Variants in RNF214 observed in about 807,000 individuals in gnomAD.
RNF214 encodes ring finger protein 214.
RNF214 carries 25 observed loss-of-function variants against 75.9 expected under a neutral mutation model. That is an observed-to-expected ratio of 0.33 (90% CI 0.24 to 0.46). The LOEUF is 0.46. Among genes scored for constraint, RNF214 ranks in the 20% least tolerant of loss-of-function variants. The pLI, the probability that RNF214 is intolerant of heterozygous loss-of-function variation, is 1.00. For synonymous variants in RNF214, 314 were observed against 308.8 expected (o/e 1.02, Z -0.18); for missense variants, 725 against 857.5 (o/e 0.85, Z 1.93).
chr11:117,258,054 C>G (rs535012272), intron 6 of RNF214, among the ~76,000 whole-genome samples: 32 of 151,810 alleles, frequency 2.1e-4, no homozygotes, highest in Non-Finnish European at 4.3e-4. Flanking sequence ...TGTCATGCCT[C>G]TATCTATTCA....
At chr11:117,268,096 G>T (rs1161890598) in intron 6 of RNF214, among the ~76,000 whole-genome samples, 1 of 152,184 alleles carries the variant, frequency 6.6e-6, no homozygotes, top group Non-Finnish European at 1.5e-5. Flanking sequence ...TAGTCCTCAA[G>T]TAAGAGGACT....
rs1022812670 is a variant in RNF214, at chr11:117,282,086, A to G, written c.1528A>G (p.Asn510Asp). The G allele has an allele frequency of 1.1e-5, 17 of 1,613,906 alleles. No homozygotes were observed. The highest frequency in any genetic ancestry group is 3.3e-5 in the Admixed American group (2 of 59,968). Residue 510 changes from asparagine to aspartate, a missense_variant, in exon 11 of 15, where the codon AAT becomes GAT. Around this residue, in one of 2 missense-constraint regions of RNF214, gnomAD observed 363 missense variants for 513.0 expected, o/e 0.71. Transcript: ENST00000300650. ...ACCCCTTCCTGGCTCCCATGGCAGA[A>G]ATAGCCCTGGCTTGGGTTCCCTTGT... ...SSPLPGSHGR[N>D]SPGLGSLVSP...
At position 117,255,287 on chromosome 11, in the gene RNF214, G is replaced by A. The variant is rs1486374291; in HGVS notation, c.959+8339G>A. 3.3e-5 allele frequency among the ~76,000 whole-genome samples: 5 copies of A among 152,120 alleles called. No individual in the cohort carries two copies. The South Asian group carries it at 6.2e-4, about 19-fold the overall frequency. ...CCTTTCTTCCTGTCCTTGTATCTGA[G>A]TCTATAATTCTACCTGTGTGTGCAT... On this transcript the variant is annotated intron_variant, in intron 6 of 14. Transcript: ENST00000300650.
intron 6 of RNF214, among the ~76,000 whole-genome samples, chr11:117,259,869 TACATG>T (rs377371172): frequency 1.3e-5 from 2 of 152,324 alleles, no homozygotes; most frequent in African/African-American, 4.8e-5. Flanking sequence ...TCTGCCCTCT[TACATG>T]ACTGTTTACT....
intron 6 of RNF214, among the ~76,000 whole-genome samples, chr11:117,267,236 C>A (rs2033815761): frequency 6.6e-6 from 1 of 152,080 alleles, no homozygotes; most frequent in Non-Finnish European, 1.5e-5. Context: ...GCACAAAAGG[C>A]AAAATTTTGA....
chr11:117,251,720 A>G (rs2033398591), intron 6 of RNF214, among the ~76,000 whole-genome samples: 1 of 152,180 alleles, frequency 6.6e-6, no homozygotes, highest in Admixed American at 6.5e-5. Context: ...GAGAAAAGCA[A>G]GCAAGACGTG....
At chr11:117,254,252 GAA>G (rs577904003) in intron 6 of RNF214, among the ~76,000 whole-genome samples, 1 of 143,578 alleles carries the variant, frequency 7.0e-6, no homozygotes, top group South Asian at 2.2e-4. Flanking sequence ...CCATCTCAAA[GAA>G]AAAAAAAAAC....
intron 6 of RNF214, among the ~76,000 whole-genome samples, chr11:117,258,329 G>A (rs1054369717): frequency 2.6e-5 from 4 of 152,082 alleles, no homozygotes; most frequent in Non-Finnish European, 5.9e-5. Context: ...GCCTCCCAAA[G>A]TGCTGGGATT....
chr11:117,279,903 T>A lies in RNF214; in HGVS notation c.960-5T>A. The A allele has an allele frequency of 6.3e-7, 1 of 1,599,676 alleles. No homozygotes were observed. Among genetic ancestry groups the A allele is most frequent in the Non-Finnish European group, 8.5e-7 (1 of 1,171,068 alleles). ...TAGTCTTGTTCTTGGTTTCTTATCT[T>A]ACAGAGAGGTGTGGGAAATGGAACT... On this transcript the variant is annotated splice_region_variant and splice_polypyrimidine_tract_variant and intron_variant, in intron 6 of 14. Transcript: ENST00000300650.
At chr11:117,272,250 C>G (rs531469758) in intron 6 of RNF214, among the ~76,000 whole-genome samples, 2 of 152,286 alleles carry the variant, frequency 1.3e-5, no homozygotes, top group African/African-American at 4.8e-5. Flanking sequence ...CAACCACCAC[C>G]TTGAGCCACC....
intron 6 of RNF214, among the ~76,000 whole-genome samples, chr11:117,264,210 C>A (rs1330690378): frequency 6.6e-6 from 1 of 152,086 alleles, no homozygotes; most frequent in Non-Finnish European, 1.5e-5. Flanking sequence ...GTGGTCCCAG[C>A]TATTTGGGAG....
intron 6 of RNF214, among the ~76,000 whole-genome samples, chr11:117,272,159 G>C (rs1379851641): frequency 2.0e-5 from 3 of 152,130 alleles, no homozygotes; most frequent in Non-Finnish European, 2.9e-5. Context: ...CCATGAGTTT[G>C]AGGTTCCAGT....
In RNF214 at chr11:117,281,988, C is replaced by A; in HGVS notation, c.1430C>A (p.Pro477His). The change falls in exon 11 of 15, where the codon CCC (proline) becomes CAC (histidine). Residue 477 changes from proline to histidine, a missense_variant. Pro to His is a moderately conservative substitution (Grantham distance 77). Coordinates refer to ENST00000300650, the MANE Select transcript of RNF214 (RefSeq NM_207343.4). ...IGQVTMPMVM[P>H]SADPRSLSFP... ...CAGGTCACAATGCCCATGGTTATGC[C>A]CAGTGCAGATCCCCGCTCCTTGTCT... The A allele has an allele frequency of 6.2e-7, 1 of 1,614,114 alleles. No individual in the cohort carries two copies. Among genetic ancestry groups the A allele is most frequent in the Non-Finnish European group, 8.5e-7 (1 of 1,180,038 alleles).
chr11:117,234,125 C>G, intron 1 of RNF214, 142 bp from the exon 2 acceptor site: 1 of 643,608 alleles, frequency 1.6e-6, no homozygotes. Flanking sequence ...TTTTAGTACT[C>G]TTAAGTATTT....
At chr11:117,252,610 T>G (rs1416751580) in intron 6 of RNF214, among the ~76,000 whole-genome samples, 1 of 152,070 alleles carries the variant, frequency 6.6e-6, no homozygotes, top group Non-Finnish European at 1.5e-5. Context: ...AGTCTCCACC[T>G]CCCGGATTCA....
At chr11:117,239,243 C>T in intron 3 of RNF214, 132 bp downstream of exon 3, 1 of 822,906 alleles carries the variant, frequency 1.2e-6, no homozygotes, top group Non-Finnish European at 1.9e-6. Flanking sequence ...TAGCAACCAT[C>T]ATACTACTCT....
chr11:117,258,708 A>G (rs2033587096), intron 6 of RNF214, among the ~76,000 whole-genome samples: 1 of 152,048 alleles, frequency 6.6e-6, no homozygotes, highest in Non-Finnish European at 1.5e-5. Flanking sequence ...CCCCATCAAG[A>G]TATATAAAAT....
intron 6 of RNF214, among the ~76,000 whole-genome samples, chr11:117,272,647 C>G (rs527997441): frequency 6.6e-6 from 1 of 150,542 alleles, no homozygotes; most frequent in East Asian, 1.9e-4. Context: ...AATGGCTTTC[C>G]TGGTAGGCAA....
intron 6 of RNF214, among the ~76,000 whole-genome samples, chr11:117,251,795 A>G (rs1038596029): frequency 6.6e-6 from 1 of 152,216 alleles, no homozygotes; most frequent in African/African-American, 2.4e-5. Context: ...GGGTTTTTCC[A>G]TGATAGAGAT....
Sources: allele counts gnomAD v4.1 joint callset (sites outside exome capture counted in the v4.1 genomes callset), GRCh38; gene constraint gnomAD v4.1.1; regional missense constraint gnomAD v4.1.1; transcripts MANE v1.5; gene names NCBI Gene and HGNC (gene_info 2026-07-23, HGNC 2026-07-21).